The following FGGY variants were observed in gnomAD, a reference collection of about 807,000 sequenced individuals.
The protein encoded by FGGY is FGGY carbohydrate kinase domain-containing protein.
Under a neutral mutation model 71.3 loss-of-function variants are expected in FGGY, and 72 were observed. The ratio of observed to expected loss-of-function variants is 1.01; its 90% CI spans 0.84 to 1.23. The LOEUF (loss-of-function observed/expected upper bound fraction) is 1.23, where lower values mean the gene tolerates loss of function less well. Ranked by LOEUF, FGGY falls within the 50% of genes most tolerant of loss-of-function variation. The pLI is 0.00. For missense variants in FGGY, 668 were observed against 682.3 expected (o/e 0.98, Z 0.23); for synonymous variants, 251 against 250.3 (o/e 1.00, Z -0.02).
In FGGY at chr1:59,378,833, G is replaced by A. The variant is rs771167393; in HGVS notation, c.550G>A (p.Ala184Thr). ...ATCGTGGAAGGCAACAGGTGTCACA[G>A]CACGGTATGTTAATTACAAGTTGGA... ...FLSWKATGVT[A>T]RSLCSLVCKW... is the part of the protein sequence containing the mutation. Residue 184 changes from alanine to threonine, a missense_variant, in exon 5 of 16, where the codon GCA becomes ACA. Ala to Thr is a moderately conservative substitution (Grantham distance 58, BLOSUM62 0). Transcript: ENST00000303721. 106 of 1,611,742 alleles carry A rather than the reference G, an allele frequency of 6.6e-5. No homozygotes were observed. The highest frequency in any genetic ancestry group is 8.7e-5 in the Non-Finnish European group (102 of 1,178,224).
At chr1:59,650,492 T>C (rs1169980068) in intron 11 of FGGY, among the ~76,000 whole-genome samples, 1 of 104,336 alleles carries the variant, frequency 9.6e-6, no homozygotes, top group Non-Finnish European at 1.8e-5. Context: ...GGTGTATGTG[T>C]CCAGGAATTT....
intron 5 of FGGY, among the ~76,000 whole-genome samples, chr1:59,413,797 C>T (rs960046387): frequency 6.6e-6 from 1 of 152,052 alleles, no homozygotes; most frequent in Admixed American, 6.5e-5. Flanking sequence ...CCCGTCTCTA[C>T]AAAAAATACA....
chr1:59,754,602 G>C (rs547386217), intron 14 of FGGY: 3 of 152,168 alleles, frequency 2.0e-5, no homozygotes, highest in Non-Finnish European at 2.9e-5. Flanking sequence ...ATTTTTAGTA[G>C]AGACGGGGTT....
At chr1:59,522,167 G>T (rs1570623712) in intron 7 of FGGY, among the ~76,000 whole-genome samples, 2 of 152,192 alleles carry the variant, frequency 1.3e-5, no homozygotes, top group Non-Finnish European at 2.9e-5. Context: ...CAAGGATGAA[G>T]GTTTAAGAAC....
intron 11 of FGGY, among the ~76,000 whole-genome samples, chr1:59,639,488 G>A (rs2096997077): frequency 6.6e-6 from 1 of 152,122 alleles, no homozygotes; most frequent in Non-Finnish European, 1.5e-5. Flanking sequence ...CTTTTTTATA[G>A]AGGCAGAAGA....
rs190041647 is a variant in FGGY at position 59,311,507 on chromosome 1, C to T, written c.-14-10029C>T. Reference sequence around the variant, plus strand: ...AACATGCGGTGTTTGGTTTTCTGTTCCTGTGTTAGTTTGCTGAGGTTGTTG... The same window carrying T: ...AACATGCGGTGTTTGGTTTTCTGTTTCTGTGTTAGTTTGCTGAGGTTGTTG... On this transcript the variant is annotated intron_variant, in intron 1 of 15. Transcript: ENST00000303721. 1.8e-4 allele frequency among the ~76,000 whole-genome samples: 27 copies of T among 151,984 alleles called. No homozygotes were observed. In the East Asian group the frequency reaches 5.2e-3, roughly 29 times the overall value.
chr1:59,660,440 G>T, intron 12 of FGGY, 147 bp downstream of exon 12: 1 of 552,230 alleles, frequency 1.8e-6, no homozygotes, highest in Middle Eastern at 3.9e-4. Context: ...TGTATGTCTG[G>T]AAGGAAGTGT....
intron 2 of FGGY, among the ~76,000 whole-genome samples, chr1:59,329,116 A>G (rs562215770): frequency 3.4e-4 from 52 of 152,340 alleles, no homozygotes; most frequent in Middle Eastern, 3.4e-3. Context: ...ACAATCTGCA[A>G]GATGCGGTAA....
At chr1:59,635,101 T>C (rs1319891398) in intron 10 of FGGY, among the ~76,000 whole-genome samples, 1 of 152,136 alleles carries the variant, frequency 6.6e-6, no homozygotes, top group Non-Finnish European at 1.5e-5. Flanking sequence ...TGATAAAACA[T>C]GCAAAATGAC....
In FGGY at chr1:59,399,697, A is replaced by AT. The variant is rs143029515; in HGVS notation, c.554+20867dup. Among the ~76,000 whole-genome samples the AT allele has an allele frequency of 3.8e-3, 571 of 152,224 alleles. 14 individuals are homozygous for AT. In the East Asian group the frequency reaches 0.055, roughly 15 times the overall value. ...CAATTAGAGCTTTCCATATAATATA[A>AT]TTTTTTTCTTTGTGTTCCTTATGCC... On this transcript the variant is annotated intron_variant, in intron 5 of 15. Coordinates refer to ENST00000303721, the MANE Select transcript of FGGY (RefSeq NM_018291.5).
At chr1:59,552,710 T>A (rs2095627787) in intron 7 of FGGY, among the ~76,000 whole-genome samples, 1 of 152,162 alleles carries the variant, frequency 6.6e-6, no homozygotes, top group African/African-American at 2.4e-5. Context: ...TTGTGGCCCC[T>A]CCTGTGATAC....
intron 8 of FGGY, among the ~76,000 whole-genome samples, chr1:59,604,161 A>G (rs994516373): frequency 1.7e-4 from 26 of 152,266 alleles, no homozygotes; most frequent in African/African-American, 6.3e-4. Flanking sequence ...TCAATGTAGT[A>G]TGATGAGCTC....
intron 14 of FGGY, among the ~76,000 whole-genome samples, chr1:59,725,259 TGGAAAA>T (rs2100757274): frequency 6.6e-6 from 1 of 152,296 alleles, no homozygotes; most frequent in South Asian, 2.1e-4. Context: ...TCAAAGGAGT[TGGAAAA>T]GGAATAAATC....
chr1:59,359,979 T>G (rs1431289696), intron 4 of FGGY, among the ~76,000 whole-genome samples: 9 of 152,048 alleles, frequency 5.9e-5, no homozygotes, highest in Admixed American at 3.9e-4. Flanking sequence ...TGGACGTACA[T>G]TTTTTCTCAG....
At chr1:59,686,288 T>C (rs895536650) in intron 14 of FGGY, among the ~76,000 whole-genome samples, 8 of 152,160 alleles carry the variant, frequency 5.3e-5, no homozygotes, top group African/African-American at 1.9e-4. Context: ...GAGTGTCTCA[T>C]AGTACCTCAG....
chr1:59,512,251 C>G, intron 6 of FGGY, 60 bp from the exon 7 acceptor site: 1 of 1,520,162 alleles, frequency 6.6e-7, no homozygotes, highest in Admixed American at 2.1e-5. Flanking sequence ...AAAAAAAACC[C>G]TCTGTTTACT....
chr1:59,324,266 CTTTTTTTTTTTTT>C (rs71046329), intron 2 of FGGY, among the ~76,000 whole-genome samples: 6 of 78,132 alleles, frequency 7.7e-5, no homozygotes, highest in Admixed American at 1.5e-4. Context: ...ATAATAACTA[CTTTTTTTTTTTTT>C]TTTTTTTTTT....
At chr1:59,320,324 A>C (rs1323717599) in intron 1 of FGGY, among the ~76,000 whole-genome samples, 1 of 152,140 alleles carries the variant, frequency 6.6e-6, no homozygotes, top group Non-Finnish European at 1.5e-5. Flanking sequence ...TTTCTTTCAG[A>C]ATCTCCATGT....
chr1:59,463,146 A>C (rs917153844), intron 6 of FGGY, among the ~76,000 whole-genome samples: 1 of 152,186 alleles, frequency 6.6e-6, no homozygotes, highest in Non-Finnish European at 1.5e-5. Flanking sequence ...ATGGAATACT[A>C]TGCAGCCATA....
Sources: gnomAD v4.1 joint callset for allele counts (sites outside exome capture counted in the v4.1 genomes callset) on GRCh38, gnomAD v4.1.1 for gene constraint, MANE v1.5 for transcripts, NCBI Gene and HGNC (gene_info 2026-07-23, HGNC 2026-07-21) for gene names.